The following SOX5 variants were observed in gnomAD, a reference collection of about 807,000 sequenced individuals.
SOX5 encodes the protein transcription factor SOX-5.
Under a neutral mutation model 92.0 loss-of-function variants are expected in SOX5, and 9 were observed. The ratio of observed to expected loss-of-function variants is 0.10; its 90% CI spans 0.06 to 0.17. SOX5 has a LOEUF of 0.17. SOX5 is among the 10% of genes least tolerant of loss of function. The pLI is 1.00. For synonymous variants in SOX5, 344 were observed against 336.3 expected, an observed-to-expected ratio of 1.02 and a Z score of -0.25; for missense variants, 642 against 944.5, an observed-to-expected ratio of 0.68 and a Z score of 4.20.
chr12:23,652,132 G>A (rs1353405183), intron 7 of SOX5, among the ~76,000 whole-genome samples: 1 of 151,680 alleles, frequency 6.6e-6, no homozygotes. Flanking sequence ...TATATTTTTG[G>A]GGAAATGCTT....
chr12:23,951,892 A>T (rs1412702265), upstream of SOX5, among the ~76,000 whole-genome samples: 2 of 152,180 alleles, frequency 1.3e-5, no homozygotes, highest in Admixed American at 6.5e-5. Flanking sequence ...TTACAGCAAC[A>T]ACCTACTCCC....
intron 2 of SOX5, among the ~76,000 whole-genome samples, chr12:23,891,498 T>C (rs536872808): frequency 1.3e-5 from 2 of 152,318 alleles, no homozygotes; most frequent in Admixed American, 1.3e-4. Context: ...TTGTATCTTG[T>C]CTCTAACCTA....
chr12:24,243,063 T>C (rs1252702468), intron 3 of SOX5, among the ~76,000 whole-genome samples: 1 of 152,060 alleles, frequency 6.6e-6, no homozygotes, highest in African/African-American at 2.4e-5. Context: ...TGTTTATCTC[T>C]GGGAAAAAAT....
rs190115537 is a variant in SOX5 at position 23,563,196 on chromosome 12, T to A, written c.1488+62A>T. On this transcript the variant is annotated intron_variant, in intron 11 of 14. Transcript: ENST00000451604. Reference sequence around the variant, plus strand: ...TAAGAAGATGGAAATATATTTTTTTTAAAAAAGCATTAGGCAATTTAATTA... The same window carrying A: ...TAAGAAGATGGAAATATATTTTTTTAAAAAAAGCATTAGGCAATTTAATTA... The A allele has an allele frequency of 3.2e-4, 424 of 1,320,456 alleles. 3 individuals carry two copies. Among genetic ancestry groups the A allele is most frequent in the South Asian group, 9.9e-4 (75 of 75,662 alleles). 81.8% of individuals were successfully genotyped at this position (1,320,456 alleles called of 1,614,324 possible).
At chr12:23,931,300 A>T (rs1353125502) in intron 1 of SOX5, among the ~76,000 whole-genome samples, 1 of 151,756 alleles carries the variant, frequency 6.6e-6, no homozygotes, top group Non-Finnish European at 1.5e-5. Context: ...ACATACATAC[A>T]ATTACTTACA....
chr12:23,732,419 A>T (rs76255645), intron 6 of SOX5, among the ~76,000 whole-genome samples: 4,066 of 152,246 alleles, frequency 0.027, 192 homozygotes, highest in African/African-American at 0.092. Flanking sequence ...CAAATTAACA[A>T]TTGACAAAAT....
At chr12:24,112,807 T>C (rs1947529662) in intron 4 of SOX5, among the ~76,000 whole-genome samples, 1 of 151,952 alleles carries the variant, frequency 6.6e-6, no homozygotes, top group Non-Finnish European at 1.5e-5. Context: ...CCCAAAGTGC[T>C]GGGGTTCTAG....
intron 2 of SOX5, among the ~76,000 whole-genome samples, chr12:24,323,464 A>G (rs1950394621): frequency 6.6e-6 from 1 of 151,932 alleles, no homozygotes; most frequent in Admixed American, 6.6e-5. Context: ...CTGTAACTTC[A>G]AAGAACCATT....
intron 3 of SOX5, among the ~76,000 whole-genome samples, chr12:24,262,177 G>T (rs2140255590): frequency 6.6e-6 from 1 of 152,258 alleles, no homozygotes; most frequent in African/African-American, 2.4e-5. Context: ...ACTGTAGGTT[G>T]CAATGAAACA....
intron 4 of SOX5, among the ~76,000 whole-genome samples, chr12:24,114,273 T>C (rs924319564): frequency 2.0e-5 from 3 of 151,980 alleles, no homozygotes; most frequent in African/African-American, 7.3e-5. Context: ...AAATCTTAAA[T>C]TAAAATATTC....
intron 1 of SOX5, 126 bp downstream of exon 1, chr12:23,949,438 C>T: frequency 8.8e-7 from 1 of 1,130,228 alleles, no homozygotes. Flanking sequence ...AACAAGATTG[C>T]AGAAGCCCTA....
upstream of SOX5, among the ~76,000 whole-genome samples, chr12:23,952,337 C>A (rs1277974936): frequency 3.9e-5 from 6 of 152,164 alleles, no homozygotes; most frequent in Non-Finnish European, 1.5e-5. Flanking sequence ...CTTGCTACAG[C>A]TACTACCTCT....
intron 4 of SOX5, among the ~76,000 whole-genome samples, chr12:24,169,563 C>A (rs1490849928): frequency 5.9e-5 from 9 of 152,204 alleles, no homozygotes. Flanking sequence ...CATCTTCCCA[C>A]ACAATGTGTT....
chr12:24,409,490 T>TA (rs796899367), intron 1 of SOX5, among the ~76,000 whole-genome samples: 66 of 152,338 alleles, frequency 4.3e-4, no homozygotes, highest in African/African-American at 1.5e-3. Context: ...TTGAGATTAT[T>TA]ATGAATAAAG....
chr12:23,973,015 G>A (rs1241756193), intron 4 of SOX5, among the ~76,000 whole-genome samples: 1 of 151,968 alleles, frequency 6.6e-6, no homozygotes, highest in Admixed American at 6.6e-5. Context: ...TTCCTACTCT[G>A]TTTATATGAG....
At chr12:23,993,028 C>G (rs549626153) in intron 4 of SOX5, among the ~76,000 whole-genome samples, 1 of 152,190 alleles carries the variant, frequency 6.6e-6, no homozygotes, top group Non-Finnish European at 1.5e-5. Flanking sequence ...TGACAATTAA[C>G]TCTACTCAGA....
At chr12:24,369,593 C>T (rs1038207414) in intron 1 of SOX5, among the ~76,000 whole-genome samples, 1 of 152,208 alleles carries the variant, frequency 6.6e-6, no homozygotes, top group African/African-American at 2.4e-5. Context: ...CAGACTCTAC[C>T]TTACATATTT....
chr12:23,728,910 A>G (rs1224999084), intron 6 of SOX5, among the ~76,000 whole-genome samples: 1 of 152,208 alleles, frequency 6.6e-6, no homozygotes, highest in East Asian at 1.9e-4. Flanking sequence ...TAGTTTACAA[A>G]TGTCAAAATG....
At chr12:24,108,403 C>T (rs1364692622) in intron 4 of SOX5, among the ~76,000 whole-genome samples, 2 of 152,078 alleles carry the variant, frequency 1.3e-5, no homozygotes, top group Non-Finnish European at 2.9e-5. Context: ...AAAAATGTAG[C>T]TTTATTTTCA....
Sources: gnomAD v4.1 joint callset for allele counts (sites outside exome capture counted in the v4.1 genomes callset) on GRCh38, gnomAD v4.1.1 for gene constraint, MANE v1.5 for transcripts, NCBI Gene and HGNC (gene_info 2026-07-23, HGNC 2026-07-21) for gene names.